Variants in ANKS1B observed in about 807,000 individuals in gnomAD.
ANKS1B encodes the protein ankyrin repeat and sterile alpha motif domain containing 1B.
In ANKS1B, 36 loss-of-function variants were observed where a neutral mutation model predicts 148.3. That is an observed-to-expected ratio of 0.24 (90% confidence interval 0.19 to 0.32). The LOEUF (loss-of-function observed/expected upper bound fraction) is 0.32, where lower values mean the gene tolerates loss of function less well. ANKS1B is among the 10% of genes least tolerant of loss of function. The pLI, the probability that ANKS1B is intolerant of heterozygous loss-of-function variation, is 1.00. For synonymous variants in ANKS1B, 542 were observed against 560.8 expected, an observed-to-expected ratio of 0.97 and a Z score of 0.47; for missense variants, 1,157 against 1,542.6, an observed-to-expected ratio of 0.75 and a Z score of 4.19.
intron 4 of ANKS1B, among the ~76,000 whole-genome samples, chr12:99,801,185 TTGCATGATTGAGCTTTCTCTCTTA>T (rs2066903713): frequency 6.6e-6 from 1 of 152,208 alleles, no homozygotes; most frequent in Non-Finnish European, 1.5e-5. Flanking sequence ...CAAACTGTGC[TTGCATGATTGAGCTTTCTCTCTTA>T]TGCACAATCA....
chr12:99,955,492 CAAAAAAAAAAAAAAAAAAAAAAA>C lies in ANKS1B; in HGVS notation c.134+28589_134+28611del, dbSNP rs61654867. On this transcript the variant is annotated intron_variant, in intron 1 of 26. Transcript: ENST00000683438. ...TGGGCGACAGAGCGAAACTCCGTCTCAAAAAAAAAAAAAAAAAAAAAAAAAAAAAAAAAAAAGGCCTTCTCCTG... is the reference window on the plus strand; with the variant it reads ...TGGGCGACAGAGCGAAACTCCGTCTCAAAAAAAAAAAAAGGCCTTCTCCTG... Among the ~76,000 whole-genome samples, 7 of 38,064 alleles carry C rather than the reference CAAAAAAAAAAAAAAAAAAAAAAA, an allele frequency of 1.8e-4. No homozygotes were observed. The Admixed American group carries it at 2.5e-3, about 14-fold the overall frequency. 25.0% of individuals were successfully genotyped at this position (38,064 alleles called of 152,430 possible).
chr12:99,068,405 C>G (rs955898957), intron 16 of ANKS1B, among the ~76,000 whole-genome samples: 1 of 152,120 alleles, frequency 6.6e-6, no homozygotes, highest in Non-Finnish European at 1.5e-5. Flanking sequence ...CTGTAGGCAA[C>G]TTAACATAAA....
intron 25 of ANKS1B, among the ~76,000 whole-genome samples, chr12:98,771,675 C>T (rs1431613118): frequency 1.3e-5 from 2 of 152,082 alleles, no homozygotes; most frequent in African/African-American, 4.8e-5. Context: ...GATGGGGTTT[C>T]ATCATGTTTC....
chr12:99,921,872 T>A (rs2094364199), intron 1 of ANKS1B, among the ~76,000 whole-genome samples: 1 of 152,184 alleles, frequency 6.6e-6, no homozygotes, highest in Non-Finnish European at 1.5e-5. Context: ...ATAAACTTTT[T>A]TTTTTACTTC....
chr12:99,654,505 C>A (rs2098440615), intron 9 of ANKS1B, among the ~76,000 whole-genome samples: 1 of 152,144 alleles, frequency 6.6e-6, no homozygotes, highest in African/African-American at 2.4e-5. Context: ...TGGTTCACAA[C>A]CCACAACAGG....
Position 99,812,325 on chromosome 12 carries a change from A to G in ANKS1B, c.216-14T>C. The G allele has an allele frequency of 6.2e-7, 1 of 1,605,954 alleles. No homozygotes were observed. Among genetic ancestry groups the G allele is most frequent in the Non-Finnish European group, 8.5e-7 (1 of 1,175,784 alleles). Reference sequence around the variant, plus strand: ...AGAACTATGTCCCTAAAAAGGAAAAAACAACAACAACAAAATAGGCTGAGC... The same window carrying G: ...AGAACTATGTCCCTAAAAAGGAAAAGACAACAACAACAAAATAGGCTGAGC... On this transcript the variant is annotated splice_polypyrimidine_tract_variant and intron_variant, in intron 2 of 26. Transcript: ENST00000683438.
At chr12:98,928,594 G>A (rs1327389909) in intron 17 of ANKS1B, among the ~76,000 whole-genome samples, 1 of 151,838 alleles carries the variant, frequency 6.6e-6, no homozygotes, top group Non-Finnish European at 1.5e-5. Context: ...TGATCAAGTG[G>A]GATGCATCCT....
Position 99,348,625 on chromosome 12 carries a change from A to C in ANKS1B, c.1756+51006T>G, listed in dbSNP as rs576090497. 1.2e-4 allele frequency among the ~76,000 whole-genome samples: 18 copies of C among 152,062 alleles called. No homozygotes were observed. In the East Asian group the frequency reaches 3.5e-3, roughly 29 times the overall value. ...TCTTATTTAAACTATAGAAGACTTAAGACAGTGAAATGACTTATTTAAATT... is the reference window on the plus strand; with the variant it reads ...TCTTATTTAAACTATAGAAGACTTACGACAGTGAAATGACTTATTTAAATT... On this transcript the variant is annotated intron_variant, in intron 12 of 26. Transcript: ENST00000683438.
At chr12:99,605,255 T>C (rs1429151935) in intron 9 of ANKS1B, among the ~76,000 whole-genome samples, 2 of 152,132 alleles carry the variant, frequency 1.3e-5, no homozygotes, top group African/African-American at 2.4e-5. Flanking sequence ...ACATTGCATA[T>C]ATACAATGCA....
chr12:99,057,931 C>T (rs2040836076), intron 16 of ANKS1B, among the ~76,000 whole-genome samples: 1 of 152,066 alleles, frequency 6.6e-6, no homozygotes, highest in South Asian at 2.1e-4. Context: ...TCAGGAAAGT[C>T]CAGATGAAGT....
At chr12:99,294,268 G>A (rs1240353527) in intron 12 of ANKS1B, among the ~76,000 whole-genome samples, 1 of 152,136 alleles carries the variant, frequency 6.6e-6, no homozygotes, top group Admixed American at 6.6e-5. Context: ...AAATTTGGAA[G>A]CAACCTTTTG....
chr12:99,920,241 C>T (rs928269556), intron 1 of ANKS1B, among the ~76,000 whole-genome samples: 3 of 151,982 alleles, frequency 2.0e-5, no homozygotes, highest in Non-Finnish European at 4.4e-5. Flanking sequence ...AATGAATAAG[C>T]GGATAAATAA....
chr12:99,816,188 G>T (rs2069109782), intron 2 of ANKS1B, among the ~76,000 whole-genome samples: 2 of 151,736 alleles, frequency 1.3e-5, no homozygotes, highest in South Asian at 4.1e-4. Flanking sequence ...CATTCTTGCA[G>T]GAGTAAAGTG....
chr12:98,782,570 G>A (rs911878366), intron 22 of ANKS1B, among the ~76,000 whole-genome samples: 1 of 152,206 alleles, frequency 6.6e-6, no homozygotes, highest in Non-Finnish European at 1.5e-5. Context: ...TGGATAGTGT[G>A]AGTGAAACTC....
intron 17 of ANKS1B, among the ~76,000 whole-genome samples, chr12:98,877,216 C>G (rs2099693495): frequency 6.6e-6 from 1 of 152,146 alleles, no homozygotes; most frequent in East Asian, 1.9e-4. Flanking sequence ...AGAGAGGTCT[C>G]AGAGACAGGG....
At chr12:99,438,889 T>G (rs1035742641) in intron 11 of ANKS1B, among the ~76,000 whole-genome samples, 3 of 151,288 alleles carry the variant, frequency 2.0e-5, no homozygotes, top group African/African-American at 7.3e-5. Flanking sequence ...GAAAAAGAAA[T>G]AAAAGGCACA....
chr12:98,909,519 G>C (rs906244198), intron 17 of ANKS1B, among the ~76,000 whole-genome samples: 1 of 152,102 alleles, frequency 6.6e-6, no homozygotes, highest in East Asian at 1.9e-4. Flanking sequence ...TAGAGTTCTG[G>C]CATCGTATAA....
Position 98,870,471 on chromosome 12 carries a change from C to T in ANKS1B, c.2779-38335G>A, listed in dbSNP as rs1235919569. ...TGTTCTTTACTTCCTTTTCCTCCCT[C>T]CCTCACCCTTTTCTTTTCTTTGCTA... On this transcript the variant is annotated intron_variant, in intron 17 of 26. Coordinates refer to ENST00000683438, the MANE Select transcript of ANKS1B (RefSeq NM_001352186.2). Among the ~76,000 whole-genome samples, 8 of 152,328 alleles carry T rather than the reference C, an allele frequency of 5.3e-5. No homozygotes were observed. The South Asian group carries it at 1.2e-3, about 24-fold the overall frequency.
chr12:99,828,720 T>C (rs1194469766), intron 1 of ANKS1B, among the ~76,000 whole-genome samples: 2 of 152,022 alleles, frequency 1.3e-5, no homozygotes, highest in Admixed American at 6.6e-5. Flanking sequence ...AAAATAAAGC[T>C]GATAAGGCCA....
Sources: gnomAD v4.1 joint callset for allele counts (sites outside exome capture counted in the v4.1 genomes callset) on GRCh38, gnomAD v4.1.1 for gene constraint, MANE v1.5 for transcripts, NCBI Gene and HGNC (gene_info 2026-07-23, HGNC 2026-07-21) for gene names.